CCDC32: variants seen among roughly 807,000 people sequenced by gnomAD.
CCDC32 encodes coiled-coil domain-containing protein 32.
In CCDC32, 9 loss-of-function variants were observed where a neutral mutation model predicts 20.1. The ratio of observed to expected loss-of-function variants is 0.45; its 90% CI spans 0.27 to 0.78. CCDC32 has a LOEUF of 0.78. CCDC32 is among the 30% of genes least tolerant of loss of function. The probability of loss-of-function intolerance (pLI) is 0.16; values close to 1 mark genes in which losing one functional copy is unlikely to be tolerated. For synonymous variants in CCDC32, 63 were observed against 79.0 expected (o/e 0.80, Z 1.07); for missense variants, 204 against 215.5 (o/e 0.95, Z 0.33).
downstream of CCDC32, among the ~76,000 whole-genome samples, chr15:40,550,687 A>T (rs1452001429): frequency 6.6e-6 from 1 of 152,186 alleles, no homozygotes; most frequent in East Asian, 1.9e-4. Context: ...CTCTAAATCA[A>T]TTAAGAAACT....
chr15:40,537,454 A>G (rs1054937122), downstream of CCDC32: 7 of 152,244 alleles, frequency 4.6e-5, no homozygotes, highest in African/African-American at 1.7e-4. Context: ...CCATCGGGGC[A>G]CTAGCAGCCT....
chr15:40,548,076 T>A (rs1193851061), intron 3 of CCDC32, among the ~76,000 whole-genome samples: 1 of 152,206 alleles, frequency 6.6e-6, no homozygotes, highest in Non-Finnish European at 1.5e-5. Flanking sequence ...CTCCTTCTAT[T>A]TCCTCTCACT....
chr15:40,560,438 G>A (rs1261995870), intron 2 of CCDC32, among the ~76,000 whole-genome samples: 1 of 152,190 alleles, frequency 6.6e-6, no homozygotes, highest in Non-Finnish European at 1.5e-5. Context: ...ACAACCCATG[G>A]AATGGGAGAA....
the CCDC32 span, among the ~76,000 whole-genome samples, chr15:40,522,858 G>A: frequency 4.2e-5 from 5 of 119,266 alleles, no homozygotes; most frequent in African/African-American, 6.3e-5. Flanking sequence ...AAACTATTTC[G>A]CTCTTGTTGC....
At chr15:40,528,727 A>G in exon 4 of CCDC32, 3 of 700,650 alleles carry the variant, frequency 4.3e-6, no homozygotes, top group Middle Eastern at 4.6e-4. Context: ...CGAATGGGAA[A>G]CTTCTTCCGT....
At chr15:40,525,600 C>T (rs1370262535), downstream of CCDC32, among the ~76,000 whole-genome samples, 2 of 152,234 alleles carry the variant, frequency 1.3e-5, no homozygotes, top group Non-Finnish European at 2.9e-5. Flanking sequence ...CCTTCTCAGG[C>T]CACTGTAACT....
chr15:40,524,213 G>A (rs922673363), downstream of CCDC32, among the ~76,000 whole-genome samples: 7 of 135,906 alleles, frequency 5.2e-5, no homozygotes, highest in Non-Finnish European at 7.6e-5. Flanking sequence ...GCTGGAGTGC[G>A]ATGGCGCGAT....
chr15:40,532,791 A>G (rs1396898550), downstream of CCDC32, among the ~76,000 whole-genome samples: 2 of 143,718 alleles, frequency 1.4e-5, no homozygotes, highest in Non-Finnish European at 3.0e-5. Context: ...GCATGATCAC[A>G]GATCACTGCA....
the CCDC32 span, among the ~76,000 whole-genome samples, chr15:40,521,018 A>G: frequency 1.3e-5 from 2 of 152,262 alleles, no homozygotes; most frequent in East Asian, 1.9e-4. Flanking sequence ...TATGTTTACT[A>G]TTCATTAAGT....
intron 3 of CCDC32, 35 bp downstream of exon 3, chr15:40,557,181 T>C: frequency 6.3e-7 from 1 of 1,577,968 alleles, no homozygotes; most frequent in Non-Finnish European, 8.6e-7. Context: ...ACATAAAGGA[T>C]GATTTCAGCT....
chr15:40,538,245 TAAG>T (rs1324130199), downstream of CCDC32: 1 of 152,178 alleles, frequency 6.6e-6, no homozygotes, highest in African/African-American at 2.4e-5. Context: ...TTTCAGTAAA[TAAG>T]AAGACCACAT....
At chr15:40,539,134 G>A (rs1889260711), downstream of CCDC32, 2 of 915,462 alleles carry the variant, frequency 2.2e-6, no homozygotes, top group Non-Finnish European at 1.7e-6. Flanking sequence ...CCAGAGGGAA[G>A]TAGTTGTTGC....
At chr15:40,551,773 C>T (rs140552531), downstream of CCDC32, among the ~76,000 whole-genome samples, 1 of 143,648 alleles carries the variant, frequency 7.0e-6, no homozygotes, top group East Asian at 2.3e-4. Flanking sequence ...TGCCACTGCC[C>T]TCCAGCCCTC....
intron 3 of CCDC32, among the ~76,000 whole-genome samples, chr15:40,539,968 AT>A (rs1889320760): frequency 6.6e-6 from 1 of 152,084 alleles, no homozygotes; most frequent in Non-Finnish European, 1.5e-5. Context: ...TGAAATGGGC[AT>A]TGGAACAGTG....
downstream of CCDC32, among the ~76,000 whole-genome samples, chr15:40,523,824 T>G (rs945457377): frequency 6.6e-6 from 1 of 152,204 alleles, no homozygotes; most frequent in Admixed American, 6.5e-5. Flanking sequence ...ATGGAACAAT[T>G]AGAACTCTCA....
chr15:40,524,146 C>CTT (rs66753325), downstream of CCDC32, among the ~76,000 whole-genome samples: 580 of 89,182 alleles, frequency 6.5e-3, 107 homozygotes, highest in Admixed American at 0.061. Context: ...CATGCATAAT[C>CTT]TTTTTTTTTT....
Position 40,553,576 on chromosome 15 carries a change from T to C in CCDC32, c.*395A>G, listed in dbSNP as rs1890015041. On this transcript the variant is annotated 3_prime_UTR_variant, in exon 4 of 4. Coordinates refer to ENST00000416810, the MANE Select transcript of CCDC32 (RefSeq NM_001080792.4). ...AATGTCCGGAAGAGGCAAGAAAATATATGGCTCACTTAACTTACACATTAC... is the reference window on the plus strand; with the variant it reads ...AATGTCCGGAAGAGGCAAGAAAATACATGGCTCACTTAACTTACACATTAC... 1 of 995,944 alleles carries C rather than the reference T, an allele frequency of 1.0e-6. No homozygotes were observed. Among genetic ancestry groups the C allele is most frequent in the South Asian group, 4.6e-5 (1 of 21,622 alleles). 61.7% of individuals were successfully genotyped at this position (995,944 alleles called of 1,614,324 possible).
chr15:40,548,760 G>A (rs1889724633), downstream of CCDC32, among the ~76,000 whole-genome samples: 1 of 152,078 alleles, frequency 6.6e-6, no homozygotes, highest in Non-Finnish European at 1.5e-5. Context: ...AGAGACCCCA[G>A]GTGGAGTGCT....
At chr15:40,524,927 A>G (rs914983046), downstream of CCDC32, among the ~76,000 whole-genome samples, 32 of 150,750 alleles carry the variant, frequency 2.1e-4, no homozygotes, top group Admixed American at 1.4e-3. Flanking sequence ...GAGTCTCGCT[A>G]TGTTGCCCAG....
Sources: allele counts gnomAD v4.1 joint callset (sites outside exome capture counted in the v4.1 genomes callset), GRCh38; gene constraint gnomAD v4.1.1; transcripts MANE v1.5; gene names NCBI Gene and HGNC (gene_info 2026-07-23, HGNC 2026-07-21).